ANO4: variants seen among roughly 807,000 people sequenced by gnomAD.
ANO4 encodes anoctamin 4, also known as anoctamin-4.
Under a neutral mutation model 141.9 loss-of-function variants are expected in ANO4, and 69 were observed. The observed-to-expected ratio is 0.49, with a 90% CI of 0.40 to 0.59. The LOEUF (loss-of-function observed/expected upper bound fraction) is 0.59, where lower values mean the gene tolerates loss of function less well. Ranked by LOEUF, ANO4 falls within the 20% of genes least tolerant of loss-of-function variation. ANO4 has a pLI of 0.00. For missense variants in ANO4, 894 were observed against 1,162.2 expected (o/e 0.77, Z 3.36); for synonymous variants, 350 against 394.3 (o/e 0.89, Z 1.33).
At chr12:100,954,352 T>C (rs916596556) in intron 5 of ANO4, among the ~76,000 whole-genome samples, 1 of 152,178 alleles carries the variant, frequency 6.6e-6, no homozygotes, top group African/African-American at 2.4e-5. Context: ...GGGATCTCAC[T>C]AATGCCCTTC....
At chr12:100,986,312 A>C (rs1312752846) in intron 7 of ANO4, among the ~76,000 whole-genome samples, 1 of 152,196 alleles carries the variant, frequency 6.6e-6, no homozygotes, top group African/African-American at 2.4e-5. Flanking sequence ...AGGAAGGCCA[A>C]TGTCCAAGGG....
At chr12:100,828,130 T>C (rs917616924) in intron 1 of ANO4, among the ~76,000 whole-genome samples, 1 of 152,090 alleles carries the variant, frequency 6.6e-6, no homozygotes, top group South Asian at 2.1e-4. Flanking sequence ...CACTGTCTCA[T>C]TGGGCTTGGC....
At chr12:101,061,278 G>A (rs2048333163) in intron 14 of ANO4, among the ~76,000 whole-genome samples, 1 of 151,968 alleles carries the variant, frequency 6.6e-6, no homozygotes, top group Non-Finnish European at 1.5e-5. Context: ...TCCCTTTGTG[G>A]GTAACCCAAC....
At position 101,036,238 on chromosome 12, in the gene ANO4, C is replaced by T. The variant is rs140417837; in HGVS notation, c.842-857C>T. Among the ~76,000 whole-genome samples, 25 of 152,096 alleles carry T rather than the reference C, an allele frequency of 1.6e-4. No individual in the cohort carries two copies. The East Asian group carries it at 3.9e-3, about 23-fold the overall frequency. Reference sequence around the variant, plus strand: ...GTGTGGAGAAAAGGAAACACTTGTGCGCTGTTAGTAGGAATGTAAATTGGT... The same window carrying T: ...GTGTGGAGAAAAGGAAACACTTGTGTGCTGTTAGTAGGAATGTAAATTGGT... On this transcript the variant is annotated intron_variant, in intron 9 of 27. Coordinates refer to ENST00000392977, the MANE Select transcript of ANO4 (RefSeq NM_001286615.2).
intron 3 of ANO4, among the ~76,000 whole-genome samples, chr12:100,752,824 C>A (rs937743221): frequency 6.6e-6 from 1 of 152,132 alleles, no homozygotes; most frequent in Non-Finnish European, 1.5e-5. Context: ...ATCCATTAAC[C>A]ATTATTATGA....
At chr12:100,979,981 C>T (rs1350103470) in intron 7 of ANO4, among the ~76,000 whole-genome samples, 1 of 150,404 alleles carries the variant, frequency 6.6e-6, no homozygotes, top group African/African-American at 2.4e-5. Flanking sequence ...ACCTCGTGAT[C>T]CTCCCACCTT....
intron 8 of ANO4, among the ~76,000 whole-genome samples, chr12:101,018,777 C>T (rs967970679): frequency 1.1e-4 from 16 of 152,178 alleles, no homozygotes; most frequent in Admixed American, 1.0e-3. Context: ...GAAGGAAAGG[C>T]ATGCAGAAGG....
In ANO4 at chr12:101,020,194, T is replaced by G. The variant is rs2046465222; in HGVS notation, c.841+54T>G. The G allele has an allele frequency of 7.1e-6, 9 of 1,259,284 alleles. No individual in the cohort carries two copies. The South Asian group carries it at 1.0e-4, about 14-fold the overall frequency. 78.0% of individuals were successfully genotyped at this position (1,259,284 alleles called of 1,614,324 possible). ...CATTTGGCATTTGGGAATTACAGACTTCTTCCCTTGGTTTTATTAAGTTTG... is the reference window on the plus strand; with the variant it reads ...CATTTGGCATTTGGGAATTACAGACGTCTTCCCTTGGTTTTATTAAGTTTG... On this transcript the variant is annotated intron_variant, in intron 9 of 27. Coordinates refer to ENST00000392977, the MANE Select transcript of ANO4 (RefSeq NM_001286615.2).
chr12:100,797,147 C>T (rs539035192), intron 1 of ANO4, among the ~76,000 whole-genome samples: 7 of 123,608 alleles, frequency 5.7e-5, no homozygotes, highest in African/African-American at 1.6e-4. Flanking sequence ...TATATATATA[C>T]ACACATATAC....
At chr12:100,871,148 A>G (rs1393882642) in intron 1 of ANO4, among the ~76,000 whole-genome samples, 3 of 152,172 alleles carry the variant, frequency 2.0e-5, no homozygotes, top group Admixed American at 6.5e-5. Context: ...TATCACCTTA[A>G]ATCTTTGATG....
At chr12:100,997,931 T>A (rs1284953982) in intron 8 of ANO4, among the ~76,000 whole-genome samples, 1 of 150,728 alleles carries the variant, frequency 6.6e-6, no homozygotes, top group Non-Finnish European at 1.5e-5. Flanking sequence ...TTCTGAAGAC[T>A]TAACTGCTCA....
At chr12:101,005,910 A>G (rs970539954) in intron 8 of ANO4, among the ~76,000 whole-genome samples, 1 of 151,166 alleles carries the variant, frequency 6.6e-6, no homozygotes, top group African/African-American at 2.4e-5. Flanking sequence ...TTCCCCTATC[A>G]TTTCCTCTTC....
intron 3 of ANO4, among the ~76,000 whole-genome samples, chr12:100,743,841 GT>G (rs1244907924): frequency 6.6e-6 from 1 of 152,158 alleles, no homozygotes; most frequent in African/African-American, 2.4e-5. Context: ...CTCATAGGTA[GT>G]TTTTTAATCC....
chr12:101,100,305 T>C (rs920577106), intron 22 of ANO4, among the ~76,000 whole-genome samples: 4 of 152,200 alleles, frequency 2.6e-5, no homozygotes, highest in Admixed American at 1.3e-4. Flanking sequence ...TCCTTTCATT[T>C]TAAGCTCTAA....
At position 101,037,023 on chromosome 12, in the gene ANO4, C is replaced by T; in HGVS notation, c.842-72C>T. The T allele has an allele frequency of 3.4e-6, 5 of 1,467,646 alleles. No individual in the cohort carries two copies. The South Asian group carries it at 3.5e-5, about 10-fold the overall frequency. 90.9% of individuals were successfully genotyped at this position (1,467,646 alleles called of 1,614,324 possible). On this transcript the variant is annotated intron_variant, in intron 9 of 27. Transcript: ENST00000392977. The stretch of plus-strand genomic sequence containing the variant: ...ATTGTTTCCTCCAAAAAGCACCACA[C>T]TTATATTTGTTTTGAACATTGTGAG...
At chr12:101,113,731 T>C (rs577372351) in intron 24 of ANO4, among the ~76,000 whole-genome samples, 1 of 152,318 alleles carries the variant, frequency 6.6e-6, no homozygotes, top group African/African-American at 2.4e-5. Flanking sequence ...TCATAAGCCT[T>C]TAGGGTAGTA....
At chr12:100,728,269 C>T (rs930971910) in intron 1 of ANO4, among the ~76,000 whole-genome samples, 4 of 152,120 alleles carry the variant, frequency 2.6e-5, no homozygotes, top group African/African-American at 7.2e-5. Context: ...TTTATGAACA[C>T]GCCCCCAAAT....
intron 5 of ANO4, among the ~76,000 whole-genome samples, chr12:100,964,747 C>T (rs947397059): frequency 4.6e-5 from 7 of 152,158 alleles, no homozygotes; most frequent in Non-Finnish European, 1.0e-4. Context: ...TGTAATAGAA[C>T]AGCCTCCCTG....
chr12:101,086,283 G>C (rs1379732458), intron 16 of ANO4, among the ~76,000 whole-genome samples: 1 of 152,082 alleles, frequency 6.6e-6, no homozygotes, highest in Non-Finnish European at 1.5e-5. Flanking sequence ...CTTGCAGGCT[G>C]CGTAAGGGTT....
Sources: allele counts gnomAD v4.1 joint callset (sites outside exome capture counted in the v4.1 genomes callset), GRCh38; gene constraint gnomAD v4.1.1; transcripts MANE v1.5; gene names NCBI Gene and HGNC (gene_info 2026-07-23, HGNC 2026-07-21).